The following STX17 variants were observed in gnomAD, a reference collection of about 807,000 sequenced individuals.
The protein encoded by STX17 is syntaxin-17.
STX17 carries 29 observed loss-of-function variants against 35.9 expected under a neutral mutation model. That is an observed-to-expected ratio of 0.81 (90% CI 0.60 to 1.10). The LOEUF (loss-of-function observed/expected upper bound fraction) is 1.10. STX17 is among the 50% of genes least tolerant of loss of function. The pLI is 0.00. For synonymous variants in STX17, 92 were observed against 118.3 expected (o/e 0.78, Z 1.44); for missense variants, 312 against 352.3 (o/e 0.89, Z 0.92).
At chr9:99,927,641 A>G (rs1483540182) in intron 2 of STX17, among the ~76,000 whole-genome samples, 1 of 151,756 alleles carries the variant, frequency 6.6e-6, no homozygotes, top group Admixed American at 6.6e-5. Context: ...TGCCCAGATA[A>G]TTTTTTTGTA....
intron 2 of STX17, among the ~76,000 whole-genome samples, chr9:99,921,399 T>C (rs1828883610): frequency 6.6e-6 from 1 of 152,142 alleles, no homozygotes; most frequent in Non-Finnish European, 1.5e-5. Flanking sequence ...CTTTTTAATT[T>C]AAATGCTGGA....
intron 2 of STX17, among the ~76,000 whole-genome samples, chr9:99,928,480 T>C (rs1206314272): frequency 6.6e-6 from 1 of 152,160 alleles, no homozygotes; most frequent in Non-Finnish European, 1.5e-5. Context: ...ATTCTTTATA[T>C]TTTCCATCTC....
At position 99,915,215 on chromosome 9, in the gene STX17, G is replaced by T; in HGVS notation, c.-25G>T. On this transcript the variant is annotated 5_prime_UTR_variant, in exon 2 of 8. It introduces an in-frame stop codon into an upstream open reading frame of the 5' UTR. Coordinates refer to ENST00000259400, the MANE Select transcript of STX17 (RefSeq NM_017919.3). ...GAGTGGAGAAGACAGCTGTTACCAGGGAGGTCATACAACATTTTTTTAGGA... is the reference window on the plus strand; with the variant it reads ...GAGTGGAGAAGACAGCTGTTACCAGTGAGGTCATACAACATTTTTTTAGGA... 1 of 1,600,030 alleles carries T rather than the reference G, an allele frequency of 6.2e-7. No homozygotes were observed. The highest frequency in any genetic ancestry group is 2.3e-5 in the East Asian group (1 of 44,326).
At chr9:99,967,545 G>T (rs1829939906) in intron 6 of STX17, 108 bp from the exon 7 acceptor site, 6 of 750,804 alleles carry the variant, frequency 8.0e-6, no homozygotes, top group Admixed American at 2.2e-5. Flanking sequence ...CTATTAAGAT[G>T]GCAAGGCTGC....
intron 3 of STX17, among the ~76,000 whole-genome samples, chr9:99,948,657 A>G (rs1425493679): frequency 6.6e-6 from 1 of 152,142 alleles, no homozygotes; most frequent in Admixed American, 6.5e-5. Context: ...TGTTAGCACA[A>G]TCGATAACTT....
At chr9:99,930,469 A>G (rs773564075) in intron 3 of STX17, among the ~76,000 whole-genome samples, 8 of 151,524 alleles carry the variant, frequency 5.3e-5, no homozygotes, top group Non-Finnish European at 5.9e-5. Flanking sequence ...GGGTTTCACA[A>G]TGTTAGCCAG....
At chr9:99,944,690 A>C (rs1382046372) in intron 3 of STX17, among the ~76,000 whole-genome samples, 1 of 151,644 alleles carries the variant, frequency 6.6e-6, no homozygotes, top group Non-Finnish European at 1.5e-5. Flanking sequence ...AATTTTTTGT[A>C]TTTTTAGTAG....
chr9:99,914,803 G>A lies in STX17; in HGVS notation c.-62-375G>A, dbSNP rs137978593. Among the ~76,000 whole-genome samples the A allele has an allele frequency of 7.2e-5, 11 of 152,098 alleles. No individual in the cohort carries two copies. The East Asian group carries it at 1.9e-3, about 27-fold the overall frequency. Reference sequence around the variant, plus strand: ...AAGATAGATCAGAAAATGAAAACTTGGACAGTATACTCCTAGCTTTTTTAA... The same window carrying A: ...AAGATAGATCAGAAAATGAAAACTTAGACAGTATACTCCTAGCTTTTTTAA... On this transcript the variant is annotated intron_variant, in intron 1 of 7. Coordinates refer to ENST00000259400, the MANE Select transcript of STX17 (RefSeq NM_017919.3).
chr9:99,953,585 G>A (rs900891377), intron 4 of STX17, among the ~76,000 whole-genome samples: 8 of 152,154 alleles, frequency 5.3e-5, no homozygotes, highest in Middle Eastern at 6.8e-3. Flanking sequence ...TGCTTTATGT[G>A]CACATGTGGA....
intron 3 of STX17, among the ~76,000 whole-genome samples, chr9:99,950,254 T>C (rs1342686919): frequency 6.6e-6 from 1 of 151,922 alleles, no homozygotes; most frequent in Non-Finnish European, 1.5e-5. Flanking sequence ...ACTGGCAGCA[T>C]GTGAAGAAAT....
chr9:99,932,301 G>C (rs899416279), intron 3 of STX17, among the ~76,000 whole-genome samples: 1 of 152,072 alleles, frequency 6.6e-6, no homozygotes, highest in Non-Finnish European at 1.5e-5. Context: ...GGGTTACAGA[G>C]GTCCAAGAAA....
chr9:99,956,972 G>C (rs139533872), intron 4 of STX17, among the ~76,000 whole-genome samples: 1 of 152,164 alleles, frequency 6.6e-6, no homozygotes, highest in Non-Finnish European at 1.5e-5. Context: ...ATGTCATCAT[G>C]GCATTTCTCT....
intron 6 of STX17, among the ~76,000 whole-genome samples, chr9:99,965,370 T>C (rs2118538178): frequency 6.6e-6 from 1 of 152,336 alleles, no homozygotes; most frequent in African/African-American, 2.4e-5. Context: ...ACTTGGGGTA[T>C]AGAAATGGCA....
chr9:99,927,768 C>T (rs181599068), intron 2 of STX17, among the ~76,000 whole-genome samples: 20 of 152,294 alleles, frequency 1.3e-4, no homozygotes, highest in Admixed American at 5.2e-4. Flanking sequence ...TGAGCCACCG[C>T]GCCTGGCCGG....
chr9:99,917,225 A>G (rs1458613695), intron 2 of STX17, among the ~76,000 whole-genome samples: 4 of 152,234 alleles, frequency 2.6e-5, no homozygotes, highest in Non-Finnish European at 5.9e-5. Context: ...ATCCTTGATC[A>G]TTCCACTGTC....
At chr9:99,927,313 A>G (rs1829005744) in intron 2 of STX17, among the ~76,000 whole-genome samples, 2 of 152,160 alleles carry the variant, frequency 1.3e-5, no homozygotes, top group African/African-American at 4.8e-5. Context: ...TCCTTTCTCA[A>G]ACTTTTATTA....
intron 3 of STX17, among the ~76,000 whole-genome samples, chr9:99,945,384 G>A (rs1049493253): frequency 6.6e-6 from 1 of 152,130 alleles, no homozygotes; most frequent in East Asian, 1.9e-4. Context: ...TGGCTTTAAA[G>A]TCTGTTTTTT....
chr9:99,924,825 T>C (rs1828957540), intron 2 of STX17, among the ~76,000 whole-genome samples: 1 of 151,992 alleles, frequency 6.6e-6, no homozygotes, highest in Non-Finnish European at 1.5e-5. Context: ...TGAGTAAGAA[T>C]GGTGAGATCA....
At chr9:99,958,836 G>C (rs1398893657) in intron 4 of STX17, among the ~76,000 whole-genome samples, 2 of 152,216 alleles carry the variant, frequency 1.3e-5, no homozygotes, top group East Asian at 3.8e-4. Flanking sequence ...CATCATCATA[G>C]CAGTGTTTAA....
Sources: gnomAD v4.1 joint callset for allele counts (sites outside exome capture counted in the v4.1 genomes callset) on GRCh38, gnomAD v4.1.1 for gene constraint, MANE v1.5 for transcripts, NCBI Gene and HGNC (gene_info 2026-07-23, HGNC 2026-07-21) for gene names.